Variants in DCLRE1C observed in about 807,000 individuals in gnomAD.
The protein encoded by DCLRE1C is DNA cross-link repair 1C.
Under a neutral mutation model 61.4 loss-of-function variants are expected in DCLRE1C, and 47 were observed. The ratio of observed to expected loss-of-function variants is 0.77; its 90% CI spans 0.61 to 0.98. The LOEUF is 0.98. DCLRE1C is among the 50% of genes least tolerant of loss of function. The probability of loss-of-function intolerance (pLI) is 0.00; values close to 1 mark genes in which losing one functional copy is unlikely to be tolerated. For synonymous variants in DCLRE1C, 337 were observed against 287.6 expected (o/e 1.17, Z -1.74); for missense variants, 858 against 816.0 (o/e 1.05, Z -0.63).
At chr10:14,923,300 A>G (rs1398888791) in intron 11 of DCLRE1C, 1 of 503,334 alleles carries the variant, frequency 2.0e-6, no homozygotes, top group Non-Finnish European at 3.6e-6. Flanking sequence ...AGAAATCAGT[A>G]CATTTAAATA....
chr10:14,910,795 C>T (rs1289474245), intron 13 of DCLRE1C, among the ~76,000 whole-genome samples: 1 of 152,122 alleles, frequency 6.6e-6, no homozygotes. Context: ...TAGATTTAAC[C>T]TCCCACTTGA....
chr10:14,905,485 G>A lies in DCLRE1C; in HGVS notation c.*2923C>T, dbSNP rs1658027947. ...CTTCTAATGAACCTGTCAGGTTGGT[G>A]TAAGGTAACAAGCTTAGACTGTTAA... On this transcript the variant is annotated 3_prime_UTR_variant, in exon 14 of 14. Transcript: ENST00000378278. 6.6e-6 allele frequency among the ~76,000 whole-genome samples: 1 copy of A among 152,234 alleles called. No individual in the cohort carries two copies. The highest frequency in any genetic ancestry group is 2.4e-5 in the African/African-American group (1 of 41,458).
At position 14,908,826 on chromosome 10, in the gene DCLRE1C, T is replaced by G. The variant is rs1834761940; in HGVS notation, c.1661A>C (p.Gln554Pro). Residue 554 changes from glutamine (Q) to proline (P), a missense_variant, in exon 14 of 14, where the codon CAA (glutamine) becomes CCA (proline). Physicochemically the swap from Gln to Pro is moderately conservative, Grantham distance 76. Transcript: ENST00000378278. ...TEQGSQGWDSQSDTVLLSSQE... is the reference protein window; with the variant it reads ...TEQGSQGWDSPSDTVLLSSQE... The stretch of plus-strand genomic sequence containing the variant: ...GGAAGATAACAAAACAGTATCAGAT[T>G]GGCTGTCCCAGCCTTGACTTCCTTG... The G allele has an allele frequency of 6.2e-7, 1 of 1,614,232 alleles. No individual in the cohort carries two copies. The highest frequency in any genetic ancestry group is 1.1e-5 in the South Asian group (1 of 91,080).
chr10:14,926,604 A>G (rs1664256110), intron 11 of DCLRE1C, among the ~76,000 whole-genome samples: 3 of 151,182 alleles, frequency 2.0e-5, no homozygotes. Flanking sequence ...CAGTGAGCCG[A>G]GAACACACCA....
intron 13 of DCLRE1C, among the ~76,000 whole-genome samples, chr10:14,911,965 T>C (rs1835331025): frequency 6.6e-6 from 1 of 152,084 alleles, no homozygotes; most frequent in Non-Finnish European, 1.5e-5. Flanking sequence ...CTGGAATCTT[T>C]ACATATTGCC....
At chr10:14,897,537 T>C (rs1421756498) in exon 14 of DCLRE1C, 3 of 1,492,538 alleles carry the variant, frequency 2.0e-6, no homozygotes, top group Non-Finnish European at 2.7e-6. Context: ...ATTTGCCACG[T>C]AGTAAATGAT....
chr10:14,902,546 A>G, downstream of DCLRE1C: 1 of 1,347,738 alleles, frequency 7.4e-7, no homozygotes, highest in Non-Finnish European at 1.0e-6. Context: ...TGATTATAAT[A>G]TTTTTTTCCT....
intron 13 of DCLRE1C, among the ~76,000 whole-genome samples, chr10:14,913,351 G>A (rs1490284480): frequency 4.6e-5 from 7 of 152,206 alleles, no homozygotes; most frequent in African/African-American, 1.2e-4. Flanking sequence ...ACTAACAGTC[G>A]TGGAATTGTT....
rs1839501308 is a variant in DCLRE1C at position 14,934,250 on chromosome 10, C to G, written c.678+130G>C. 3 of 1,337,036 alleles carry G rather than the reference C, an allele frequency of 2.2e-6. No homozygotes were observed. The South Asian group carries it at 4.1e-5, about 18-fold the overall frequency. 82.8% of individuals were successfully genotyped at this position (1,337,036 alleles called of 1,614,324 possible). A position where few individuals can be genotyped will look rare whatever the true frequency, so the allele number is the denominator to read the frequency against. ...GGCTGAGCCAGGAGAATTGCTTGAA[C>G]CCGGGAGGTGGAGGCTGCAGTGAGC... On this transcript the variant is annotated intron_variant, in intron 8 of 13. Coordinates refer to ENST00000378278, the MANE Select transcript of DCLRE1C (RefSeq NM_001033855.3).
At chr10:14,916,143 TAATG>T (rs1836149818) in intron 13 of DCLRE1C, among the ~76,000 whole-genome samples, 1 of 152,162 alleles carries the variant, frequency 6.6e-6, no homozygotes, top group African/African-American at 2.4e-5. Context: ...AATGGTGAAA[TAATG>T]AACTTAATGG....
At chr10:14,946,533 G>GT (rs1841718284) in intron 2 of DCLRE1C, among the ~76,000 whole-genome samples, 1 of 152,184 alleles carries the variant, frequency 6.6e-6, no homozygotes, top group South Asian at 2.1e-4. Flanking sequence ...TGCGGTGGAA[G>GT]TAATTGCATG....
chr10:14,920,411 C>G, intron 12 of DCLRE1C: 1 of 1,012,618 alleles, frequency 9.9e-7, no homozygotes, highest in Non-Finnish European at 1.2e-6. Flanking sequence ...CAACTGCCTC[C>G]TCCTGGCAGA....
rs1206618479 is a variant in DCLRE1C at position 14,945,116 on chromosome 10, T to C, written c.235A>G (p.Lys79Glu). The C allele has an allele frequency of 6.2e-7, 1 of 1,612,106 alleles. No homozygotes were observed. The change falls in exon 3 of 14, where the codon AAG becomes GAG. Residue 79 changes from lysine to glutamate, a missense_variant. Transcript: ENST00000378278. ...AAAATAAAACTTACAATTCGTTTCT[T>C]CCAAAATCTGTATTTCGGGCTCGTT... ...LLTSPKYRFWKKRIISIEIET... is the reference protein window; with the variant it reads ...LLTSPKYRFWEKRIISIEIET...
At chr10:14,929,892 C>G (rs1450944664) in intron 9 of DCLRE1C, among the ~76,000 whole-genome samples, 1 of 151,680 alleles carries the variant, frequency 6.6e-6, no homozygotes, top group Non-Finnish European at 1.5e-5. Context: ...GTGGACCTAC[C>G]TGTTAATATT....
chr10:14,925,608 C>A (rs1419596680), intron 11 of DCLRE1C, among the ~76,000 whole-genome samples: 1 of 152,172 alleles, frequency 6.6e-6, no homozygotes, highest in Non-Finnish European at 1.5e-5. Flanking sequence ...TTAATAGACA[C>A]TTTGATCCAT....
chr10:14,931,430 A>C (rs1838969889), intron 9 of DCLRE1C, among the ~76,000 whole-genome samples: 1 of 152,154 alleles, frequency 6.6e-6, no homozygotes, highest in South Asian at 2.1e-4. Context: ...TGGTAGCGGG[A>C]GCCTGTAATC....
Position 14,945,094 on chromosome 10 carries a change from A to G in DCLRE1C, c.246+11T>C, listed in dbSNP as rs1433609836. The G allele has an allele frequency of 6.2e-7, 1 of 1,601,810 alleles. No individual in the cohort carries two copies. Among genetic ancestry groups the G allele is most frequent in the African/African-American group, 1.3e-5 (1 of 74,422 alleles). On this transcript the variant is annotated intron_variant, in intron 3 of 13. Coordinates refer to ENST00000378278, the MANE Select transcript of DCLRE1C (RefSeq NM_001033855.3). ...TAAAAAAAATTAAGTTATTAAAAAAATAAAACTTACAATTCGTTTCTTCCA... is the reference window on the plus strand; with the variant it reads ...TAAAAAAAATTAAGTTATTAAAAAAGTAAAACTTACAATTCGTTTCTTCCA...
chr10:14,941,153 C>T (rs1260871045), intron 3 of DCLRE1C, among the ~76,000 whole-genome samples: 1 of 152,268 alleles, frequency 6.6e-6, no homozygotes, highest in Non-Finnish European at 1.5e-5. Context: ...GCTGCGATTA[C>T]AGGTGTGAGC....
chr10:14,905,565 C>G lies in DCLRE1C; in HGVS notation c.*2843G>C, dbSNP rs563398471. ...TGAACTTTTTAAAGTATTTAATCTT[C>G]GGCTTCAGGCAGACTTTTTAAAAAA... On this transcript the variant is annotated 3_prime_UTR_variant, in exon 14 of 14. Coordinates refer to ENST00000378278, the MANE Select transcript of DCLRE1C (RefSeq NM_001033855.3). Among the ~76,000 whole-genome samples, 1 of 152,310 alleles carries G rather than the reference C, an allele frequency of 6.6e-6. No individual in the cohort carries two copies. The highest frequency in any genetic ancestry group is 2.1e-4 in the South Asian group (1 of 4,830).
Sources: gnomAD v4.1 joint callset for allele counts (sites outside exome capture counted in the v4.1 genomes callset) on GRCh38, gnomAD v4.1.1 for gene constraint, MANE v1.5 for transcripts, NCBI Gene and HGNC (gene_info 2026-07-23, HGNC 2026-07-21) for gene names.